CTNNA2: variants seen among roughly 807,000 people sequenced by gnomAD.
CTNNA2 encodes the protein catenin alpha-2.
In CTNNA2, 42 loss-of-function variants were observed where a neutral mutation model predicts 101.0. That is an observed-to-expected ratio of 0.42 (90% CI 0.32 to 0.54). The LOEUF is 0.54. CTNNA2 is among the 20% of genes least tolerant of loss of function. The pLI is 0.14. For synonymous variants in CTNNA2, 450 were observed against 456.4 expected (o/e 0.99, Z 0.18); for missense variants, 871 against 1,223.1 (o/e 0.71, Z 4.29).
rs138234191 is a variant in CTNNA2, at chr2:79,671,663, C to T, written c.102+20005C>T. Among the ~76,000 whole-genome samples the T allele has an allele frequency of 1.2e-4, 18 of 152,240 alleles. No individual in the cohort carries two copies. The South Asian group carries it at 2.9e-3, about 25-fold the overall frequency. ...TAATGCCTGGGAACCTCTTACTGCT[C>T]GGCAAATAGTAAATGCTTAATGCAT... On this transcript the variant is annotated intron_variant, in intron 2 of 18. Transcript: ENST00000402739.
intron 7 of CTNNA2, among the ~76,000 whole-genome samples, chr2:80,332,430 C>T (rs545327505): frequency 3.3e-5 from 5 of 152,180 alleles, no homozygotes; most frequent in South Asian, 2.1e-4. Flanking sequence ...GGAAGGTCTG[C>T]GGCTGTCCAT....
chr2:79,855,108 T>G (rs1395593172), intron 3 of CTNNA2, among the ~76,000 whole-genome samples: 2 of 152,220 alleles, frequency 1.3e-5, no homozygotes, highest in African/African-American at 4.8e-5. Flanking sequence ...TGAAATCATC[T>G]TCTATTTATC....
intron 18 of CTNNA2, among the ~76,000 whole-genome samples, chr2:80,622,163 C>T (rs977971633): frequency 1.3e-5 from 2 of 151,906 alleles, no homozygotes; most frequent in Non-Finnish European, 2.9e-5. Flanking sequence ...AGAGGAGATA[C>T]ATGTCTTTGG....
chr2:79,395,014 A>G (rs1176541364), intron 4 of CTNNA2, among the ~76,000 whole-genome samples: 2 of 152,138 alleles, frequency 1.3e-5, no homozygotes. Context: ...GATGACAATG[A>G]TAATTAACAG....
At chr2:79,969,203 A>G (rs1690299812) in intron 7 of CTNNA2, among the ~76,000 whole-genome samples, 1 of 152,234 alleles carries the variant, frequency 6.6e-6, no homozygotes, top group Admixed American at 6.5e-5. Flanking sequence ...AACAACAACA[A>G]CAAAAAAATT....
intron 7 of CTNNA2, among the ~76,000 whole-genome samples, chr2:80,266,612 T>A (rs1414717433): frequency 6.6e-6 from 1 of 152,252 alleles, no homozygotes; most frequent in Non-Finnish European, 1.5e-5. Context: ...AGCAAGCTCC[T>A]CCTTGTTTAA....
intron 2 of CTNNA2, among the ~76,000 whole-genome samples, chr2:79,303,453 G>T (rs1165909265): frequency 6.6e-6 from 1 of 152,134 alleles, no homozygotes; most frequent in Non-Finnish European, 1.5e-5. Context: ...AGCTCCAGGG[G>T]AGGTGGTCAT....
intron 7 of CTNNA2, among the ~76,000 whole-genome samples, chr2:80,197,886 T>C (rs1706935321): frequency 6.6e-6 from 1 of 152,206 alleles, no homozygotes; most frequent in African/African-American, 2.4e-5. Flanking sequence ...TGGTAGCTAC[T>C]ACCTAAATTA....
chr2:80,050,947 T>G (rs1230674573), intron 7 of CTNNA2, among the ~76,000 whole-genome samples: 1 of 152,174 alleles, frequency 6.6e-6, no homozygotes, highest in Non-Finnish European at 1.5e-5. Flanking sequence ...GTTCTAGAAC[T>G]CTTGGGCTCA....
intron 1 of CTNNA2, among the ~76,000 whole-genome samples, chr2:79,593,479 T>C (rs115541357): frequency 4.5e-4 from 69 of 152,304 alleles, no homozygotes; most frequent in African/African-American, 1.6e-3. Context: ...CAGCCTTCTT[T>C]CTTTCCACTT....
intron 7 of CTNNA2, among the ~76,000 whole-genome samples, chr2:80,354,874 G>C (rs1038852029): frequency 6.6e-6 from 1 of 152,158 alleles, no homozygotes; most frequent in Admixed American, 6.6e-5. Context: ...CTGCTGTCAG[G>C]GGTGCTGGGT....
intron 2 of CTNNA2, among the ~76,000 whole-genome samples, chr2:79,282,152 A>T (rs1675405416): frequency 6.6e-6 from 1 of 152,158 alleles, no homozygotes; most frequent in Admixed American, 6.5e-5. Context: ...GGGTTGAGAA[A>T]GCTTAAGCCA....
rs60132060 is a variant in CTNNA2 at position 80,596,279 on chromosome 2, G to GTTTTTTTTTTTTTTTTTTTTTT, written c.2189+6821_2189+6842dup. 1.1e-4 allele frequency among the ~76,000 whole-genome samples: 4 copies of GTTTTTTTTTTTTTTTTTTTTTT among 35,324 alleles called. 1 individual carries two copies. Among genetic ancestry groups the GTTTTTTTTTTTTTTTTTTTTTT allele is most frequent in the Non-Finnish European group, 2.1e-4 (4 of 18,620 alleles). The allele number at this position is 35,324 out of a possible 152,430, so 23.2% of individuals were successfully genotyped here. On this transcript the variant is annotated intron_variant, in intron 15 of 18. Coordinates refer to ENST00000402739, the MANE Select transcript of CTNNA2 (RefSeq NM_001282597.3). ...AGTTTTTTTGGGCTGAGACAAGGTT[G>GTTTTTTTTTTTTTTTTTTTTTT]TTTTTTTTTTTTTTTTTTTTTTTTT...
upstream of CTNNA2, chr2:79,512,947 G>C (rs958819277): frequency 2.0e-5 from 3 of 149,534 alleles, no homozygotes; most frequent in African/African-American, 4.9e-5. Context: ...GCGGCGATCC[G>C]GGCCGCTGCC....
At chr2:80,486,680 C>A (rs111931402) in intron 9 of CTNNA2, among the ~76,000 whole-genome samples, 5,216 of 151,992 alleles carry the variant, frequency 0.034, 255 homozygotes, top group African/African-American at 0.11. Flanking sequence ...TTTTCATGAG[C>A]TTTTTTATTT....
intron 7 of CTNNA2, among the ~76,000 whole-genome samples, chr2:79,937,598 A>G (rs1029891689): frequency 3.3e-5 from 5 of 152,232 alleles, no homozygotes; most frequent in Non-Finnish European, 7.3e-5. Flanking sequence ...ATCATTTGTC[A>G]TAATTAGAAG....
At chr2:79,220,186 A>ATATGTG (rs1553383427) in intron 2 of CTNNA2, among the ~76,000 whole-genome samples, 1 of 151,026 alleles carries the variant, frequency 6.6e-6, no homozygotes, top group Admixed American at 6.6e-5. Context: ...GTATATATAT[A>ATATGTG]TGTGTGTGTG....
At chr2:79,194,760 CA>C (rs1558569601) in intron 1 of CTNNA2, among the ~76,000 whole-genome samples, 3 of 152,132 alleles carry the variant, frequency 2.0e-5, no homozygotes, top group Admixed American at 6.5e-5. Context: ...CTCTACTTTC[CA>C]CCTTCAGAGA....
At chr2:79,789,689 G>A (rs567102107) in intron 3 of CTNNA2, among the ~76,000 whole-genome samples, 33 of 152,154 alleles carry the variant, frequency 2.2e-4, no homozygotes, top group African/African-American at 7.2e-4. Flanking sequence ...ACATTTTTAC[G>A]GTAGAGTTGA....
Sources: allele counts gnomAD v4.1 joint callset (sites outside exome capture counted in the v4.1 genomes callset), GRCh38; gene constraint gnomAD v4.1.1; transcripts MANE v1.5; gene names NCBI Gene and HGNC (gene_info 2026-07-23, HGNC 2026-07-21).